TRIM44: variants seen among roughly 807,000 people sequenced by gnomAD.
TRIM44 encodes tripartite motif-containing protein 44.
Under a neutral mutation model 37.4 loss-of-function variants are expected in TRIM44, and 13 were observed. The ratio of observed to expected loss-of-function variants is 0.35; its 90% CI spans 0.23 to 0.55. TRIM44 has a LOEUF of 0.55. Among genes scored for constraint, TRIM44 ranks in the 20% least tolerant of loss-of-function variants. TRIM44 has a pLI of 0.89. For missense variants in TRIM44, 426 were observed against 437.2 expected, an observed-to-expected ratio of 0.97 and a Z score of 0.23; for synonymous variants, 175 against 157.2, an observed-to-expected ratio of 1.11 and a Z score of -0.85.
intron 4 of TRIM44, among the ~76,000 whole-genome samples, chr11:35,802,209 C>T (rs1456981194): frequency 6.6e-6 from 1 of 152,154 alleles, no homozygotes; most frequent in East Asian, 1.9e-4. Flanking sequence ...CTCATGATAA[C>T]CACCTCACTT....
chr11:35,748,115 G>A (rs747684549), intron 4 of TRIM44, among the ~76,000 whole-genome samples: 4 of 152,066 alleles, frequency 2.6e-5, no homozygotes, highest in African/African-American at 4.8e-5. Context: ...AGATTGTCAC[G>A]TAGGCTGTGA....
At chr11:35,670,804 A>G (rs1237229938) in intron 1 of TRIM44, among the ~76,000 whole-genome samples, 1 of 152,206 alleles carries the variant, frequency 6.6e-6, no homozygotes, top group African/African-American at 2.4e-5. Flanking sequence ...TTGTGTTTGA[A>G]GGAATTGTAA....
intron 2 of TRIM44, among the ~76,000 whole-genome samples, chr11:35,710,419 C>T (rs1307071922): frequency 6.6e-6 from 1 of 152,170 alleles, no homozygotes; most frequent in African/African-American, 2.4e-5. Flanking sequence ...TTGAGACAAA[C>T]CCTTTTAACA....
At chr11:35,743,662 G>A (rs189903225) in intron 4 of TRIM44, among the ~76,000 whole-genome samples, 143 of 151,924 alleles carry the variant, frequency 9.4e-4, no homozygotes, top group Middle Eastern at 6.8e-3. Flanking sequence ...TTTCCACCAC[G>A]TTTATTACAT....
intron 2 of TRIM44, among the ~76,000 whole-genome samples, chr11:35,715,912 A>G (rs1438186940): frequency 6.6e-6 from 1 of 152,138 alleles, no homozygotes; most frequent in African/African-American, 2.4e-5. Context: ...CTCCCTCATT[A>G]TACAGTACCA....
In TRIM44 at chr11:35,725,927, A is replaced by T. The variant is rs764749050; in HGVS notation, c.751A>T (p.Thr251Ser). 1 of 1,613,848 alleles carries T rather than the reference A, an allele frequency of 6.2e-7. No homozygotes were observed. Among genetic ancestry groups the T allele is most frequent in the Non-Finnish European group, 8.5e-7 (1 of 1,179,830 alleles). Reference protein sequence around the residue: ...LKFKSSDPKVTRDQMKMFIQQ... With the variant: ...LKFKSSDPKVSRDQMKMFIQQ... Reference sequence around the variant, plus strand: ...CTTATTTGTCTCTGTTCTAAAGGTAACTCGGGACCAAATGAAGATGTTTAT... The same window carrying T: ...CTTATTTGTCTCTGTTCTAAAGGTATCTCGGGACCAAATGAAGATGTTTAT... Residue 251 changes from threonine to serine, a missense_variant, in exon 3 of 5, where the codon ACT (threonine) becomes TCT (serine). Physicochemically the swap from Thr to Ser is moderately conservative, Grantham distance 58. Coordinates refer to ENST00000299413, the MANE Select transcript of TRIM44 (RefSeq NM_017583.6).
chr11:35,762,358 CA>C (rs1181956235), intron 4 of TRIM44, among the ~76,000 whole-genome samples: 4 of 152,108 alleles, frequency 2.6e-5, no homozygotes, highest in African/African-American at 7.2e-5. Context: ...ATATCCCTGT[CA>C]GACTTAAAGT....
intron 4 of TRIM44, among the ~76,000 whole-genome samples, chr11:35,782,124 A>T (rs1054875713): frequency 2.0e-5 from 3 of 152,232 alleles, no homozygotes; most frequent in Non-Finnish European, 4.4e-5. Context: ...AAGTAAATGG[A>T]TAATTTTAAA....
intron 2 of TRIM44, among the ~76,000 whole-genome samples, chr11:35,698,281 A>C (rs1348655387): frequency 2.2e-5 from 3 of 134,840 alleles, no homozygotes; most frequent in Non-Finnish European, 4.7e-5. Flanking sequence ...CATGATTTAT[A>C]ATCCTTTGGG....
intron 4 of TRIM44, among the ~76,000 whole-genome samples, chr11:35,803,132 A>G (rs750444742): frequency 2.0e-5 from 3 of 152,214 alleles, no homozygotes; most frequent in Non-Finnish European, 4.4e-5. Context: ...CTTACGTAAG[A>G]TCCCACAGTT....
intron 1 of TRIM44, among the ~76,000 whole-genome samples, chr11:35,681,867 C>G (rs1851523702): frequency 6.6e-6 from 1 of 151,402 alleles, no homozygotes; most frequent in African/African-American, 2.4e-5. Context: ...AAACATGGTA[C>G]TATTCTATGG....
intron 2 of TRIM44, among the ~76,000 whole-genome samples, chr11:35,696,224 A>G (rs1224432273): frequency 6.6e-6 from 1 of 151,178 alleles, no homozygotes; most frequent in Non-Finnish European, 1.5e-5. Context: ...GCTCACTGCA[A>G]GCTCCGCCTC....
At chr11:35,729,410 G>A (rs936112769) in intron 3 of TRIM44, among the ~76,000 whole-genome samples, 10 of 152,116 alleles carry the variant, frequency 6.6e-5, no homozygotes, top group African/African-American at 1.2e-4. Flanking sequence ...CTATGCATCC[G>A]TAGGTGGAAC....
chr11:35,749,114 G>A (rs923242986), intron 4 of TRIM44, among the ~76,000 whole-genome samples: 3 of 152,134 alleles, frequency 2.0e-5, no homozygotes, highest in African/African-American at 7.2e-5. Flanking sequence ...GAGAAACATG[G>A]CATTCATTCA....
chr11:35,758,756 T>G (rs1208985685), intron 4 of TRIM44, among the ~76,000 whole-genome samples: 1 of 152,244 alleles, frequency 6.6e-6, no homozygotes, highest in African/African-American at 2.4e-5. Flanking sequence ...CCTTCACTTA[T>G]GAAGCTTAGT....
At chr11:35,696,208 A>G (rs1177550641) in intron 2 of TRIM44, among the ~76,000 whole-genome samples, 1 of 150,728 alleles carries the variant, frequency 6.6e-6, no homozygotes, top group Non-Finnish European at 1.5e-5. Flanking sequence ...CAGTGGTGCA[A>G]TCTCAGCTCA....
intron 2 of TRIM44, among the ~76,000 whole-genome samples, chr11:35,708,930 A>T (rs1457611942): frequency 6.6e-6 from 1 of 151,914 alleles, no homozygotes; most frequent in East Asian, 1.9e-4. Flanking sequence ...AAAATAAATA[A>T]AAAATGAAAA....
intron 4 of TRIM44, among the ~76,000 whole-genome samples, chr11:35,754,552 C>T (rs1852603773): frequency 6.6e-6 from 1 of 152,004 alleles, no homozygotes; most frequent in African/African-American, 2.4e-5. Context: ...ATGTGCACAA[C>T]ATGCAGATTA....
intron 2 of TRIM44, among the ~76,000 whole-genome samples, chr11:35,723,299 T>C (rs546297402): frequency 6.6e-6 from 1 of 152,332 alleles, no homozygotes; most frequent in South Asian, 2.1e-4. Flanking sequence ...CAATAGGTAG[T>C]TCTGACCATA....
Sources: allele counts gnomAD v4.1 joint callset (sites outside exome capture counted in the v4.1 genomes callset), GRCh38; gene constraint gnomAD v4.1.1; transcripts MANE v1.5; gene names NCBI Gene and HGNC (gene_info 2026-07-23, HGNC 2026-07-21).